LIMD1: variants seen among roughly 807,000 people sequenced by gnomAD.
LIMD1 encodes the protein LIM domain containing 1.
LIMD1 carries 23 observed loss-of-function variants against 58.4 expected under a neutral mutation model. The ratio of observed to expected loss-of-function variants is 0.39; its 90% CI spans 0.28 to 0.56. The LOEUF is 0.56. Ranked by LOEUF, LIMD1 falls within the 20% of genes least tolerant of loss-of-function variation. LIMD1 has a pLI of 0.57. For synonymous variants in LIMD1, 334 were observed against 345.5 expected, an observed-to-expected ratio of 0.97 and a Z score of 0.37; for missense variants, 838 against 855.5, an observed-to-expected ratio of 0.98 and a Z score of 0.25.
chr3:45,662,338 A>T (rs895614424), intron 2 of LIMD1, among the ~76,000 whole-genome samples: 4 of 151,928 alleles, frequency 2.6e-5, no homozygotes, highest in Non-Finnish European at 4.4e-5. Flanking sequence ...TATGGGAAAT[A>T]ATCCTTATTT....
chr3:45,663,326 A>G (rs905527570), intron 2 of LIMD1, among the ~76,000 whole-genome samples: 1 of 152,190 alleles, frequency 6.6e-6, no homozygotes, highest in African/African-American at 2.4e-5. Flanking sequence ...CAACCTTAGA[A>G]GTGTGTTGTG....
chr3:45,600,178 C>T (rs955792567), intron 1 of LIMD1, among the ~76,000 whole-genome samples: 5 of 152,156 alleles, frequency 3.3e-5, no homozygotes, highest in African/African-American at 1.2e-4. Context: ...TGGTGCAGGG[C>T]GCTTGGCAGT....
chr3:45,668,687 A>G (rs1341660228), intron 4 of LIMD1, among the ~76,000 whole-genome samples: 1 of 151,294 alleles, frequency 6.6e-6, no homozygotes, highest in African/African-American at 2.4e-5. Context: ...CTGGAGGCGG[A>G]GTTTGCAGTG....
chr3:45,628,015 A>AAAAAAG (rs541833438), intron 1 of LIMD1, among the ~76,000 whole-genome samples: 26,751 of 149,656 alleles, frequency 0.18, 2,759 homozygotes, highest in Non-Finnish European at 0.23. Context: ...CTCAAAAAAA[A>AAAAAAG]AAAAGAAAAA....
At chr3:45,662,220 A>G (rs1349201551) in intron 2 of LIMD1, among the ~76,000 whole-genome samples, 2 of 152,014 alleles carry the variant, frequency 1.3e-5, no homozygotes, top group Non-Finnish European at 2.9e-5. Context: ...TCTGTCATAC[A>G]GTATAGATGT....
intron 1 of LIMD1, among the ~76,000 whole-genome samples, chr3:45,624,610 C>G (rs1447418436): frequency 2.6e-5 from 4 of 152,144 alleles, no homozygotes; most frequent in African/African-American, 9.7e-5. Flanking sequence ...GTAGTCCCAG[C>G]TACTCAGGAG....
chr3:45,640,271 A>G (rs1331551019), intron 2 of LIMD1, among the ~76,000 whole-genome samples: 3 of 152,186 alleles, frequency 2.0e-5, no homozygotes, highest in Non-Finnish European at 2.9e-5. Flanking sequence ...GTTATCTAGA[A>G]TAGCCTCTCC....
At chr3:45,667,232 G>A (rs72882579) in intron 3 of LIMD1, among the ~76,000 whole-genome samples, 1,591 of 152,214 alleles carry the variant, frequency 0.01, 29 homozygotes, top group African/African-American at 0.035. Context: ...ACATGCCCAC[G>A]CCTGGAAAAA....
chr3:45,651,170 T>A (rs138745900), intron 2 of LIMD1, among the ~76,000 whole-genome samples: 36 of 152,316 alleles, frequency 2.4e-4, no homozygotes, highest in African/African-American at 8.7e-4. Context: ...CTTTGCACAC[T>A]TTTTGATGGG....
rs114568374 is a variant in LIMD1, at chr3:45,646,261, G to A, written c.1510+10010G>A. Among the ~76,000 whole-genome samples the A allele has an allele frequency of 1.2e-3, 177 of 152,326 alleles. 1 individual carries two copies. Among genetic ancestry groups the A allele is most frequent in the African/African-American group, 3.9e-3 (161 of 41,572 alleles). On this transcript the variant is annotated intron_variant, in intron 2 of 7. Transcript: ENST00000273317. ...TGTATACACTTGCCACCATATCCAT[G>A]GCCTTCACCCCTCACTGTGCGTCAG...
In LIMD1 at chr3:45,594,813, A is replaced by ACACACACAC. The variant is rs1553642020; in HGVS notation, c.-66_-58dup. On this transcript the variant is annotated 5_prime_UTR_variant, in exon 1 of 8. Transcript: ENST00000273317. ...CACACACACACACACACACACACAC[A>ACACACACAC]CACACACACACACACACACACACAC... The ACACACACAC allele has an allele frequency of 3.7e-6, 3 of 801,154 alleles. No homozygotes were observed. In the African/African-American group the frequency reaches 5.2e-5, roughly 14 times the overall value. 49.6% of individuals were successfully genotyped at this position (801,154 alleles called of 1,614,324 possible).
intron 1 of LIMD1, among the ~76,000 whole-genome samples, chr3:45,629,776 G>A (rs145095734): frequency 1.2e-3 from 190 of 152,292 alleles, no homozygotes; most frequent in South Asian, 3.1e-3. Flanking sequence ...CCGGCAGAAC[G>A]AGGCAGAGTT....
chr3:45,642,958 C>T (rs376377783), intron 2 of LIMD1, among the ~76,000 whole-genome samples: 211 of 152,310 alleles, frequency 1.4e-3, no homozygotes, highest in African/African-American at 4.9e-3. Context: ...CCCCAGGCGG[C>T]CATGCCCCCC....
At chr3:45,604,128 G>A (rs1701444247) in intron 1 of LIMD1, among the ~76,000 whole-genome samples, 1 of 152,232 alleles carries the variant, frequency 6.6e-6, no homozygotes, top group Non-Finnish European at 1.5e-5. Context: ...TGGATGAATG[G>A]AGATCGTGTG....
intron 1 of LIMD1, among the ~76,000 whole-genome samples, chr3:45,626,159 A>G (rs1386017073): frequency 6.6e-6 from 1 of 152,214 alleles, no homozygotes; most frequent in Non-Finnish European, 1.5e-5. Flanking sequence ...AATCTTGTAT[A>G]GCCATTTTGG....
At chr3:45,646,445 C>A (rs1335409271) in intron 2 of LIMD1, among the ~76,000 whole-genome samples, 1 of 152,166 alleles carries the variant, frequency 6.6e-6, no homozygotes, top group African/African-American at 2.4e-5. Flanking sequence ...CACCACCAGC[C>A]CACTTGACCT....
At chr3:45,658,872 A>G (rs1697388328) in intron 2 of LIMD1, among the ~76,000 whole-genome samples, 1 of 152,036 alleles carries the variant, frequency 6.6e-6, no homozygotes, top group Admixed American at 6.6e-5. Flanking sequence ...GCAGATTCTA[A>G]ATATGTCCAC....
chr3:45,602,558 C>T (rs1178629075), intron 1 of LIMD1, among the ~76,000 whole-genome samples: 1 of 101,434 alleles, frequency 9.9e-6, no homozygotes, highest in Non-Finnish European at 2.5e-5. Context: ...CAGTGACAGA[C>T]CCCCCTTAGC....
chr3:45,623,382 T>C (rs187951362), intron 1 of LIMD1, among the ~76,000 whole-genome samples: 1 of 152,212 alleles, frequency 6.6e-6, no homozygotes, highest in Admixed American at 6.5e-5. Flanking sequence ...TGCTCAGGGG[T>C]ACTTTGAGCT....
Sources: gnomAD v4.1 joint callset for allele counts (sites outside exome capture counted in the v4.1 genomes callset) on GRCh38, gnomAD v4.1.1 for gene constraint, MANE v1.5 for transcripts, NCBI Gene and HGNC (gene_info 2026-07-23, HGNC 2026-07-21) for gene names.